Variants in SORCS1 observed in about 807,000 individuals in gnomAD.
The protein encoded by SORCS1 is sortilin related VPS10 domain containing receptor 1.
SORCS1 carries 60 observed loss-of-function variants against 146.1 expected under a neutral mutation model. That is an observed-to-expected ratio of 0.41 (90% confidence interval 0.33 to 0.51). The LOEUF is 0.51. SORCS1 is among the 20% of genes least tolerant of loss of function. The probability of loss-of-function intolerance (pLI) is 0.21; values close to 1 mark genes in which losing one functional copy is unlikely to be tolerated. For synonymous variants in SORCS1, 637 were observed against 584.0 expected, an observed-to-expected ratio of 1.09 and a Z score of -1.31; for missense variants, 1,352 against 1,487.6, an observed-to-expected ratio of 0.91 and a Z score of 1.50.
chr10:106,900,552 G>T (rs1363234686), intron 2 of SORCS1, among the ~76,000 whole-genome samples: 1 of 151,914 alleles, frequency 6.6e-6, no homozygotes, highest in Non-Finnish European at 1.5e-5. Context: ...GGATAACTCA[G>T]AGGTGTGCTC....
intron 1 of SORCS1, among the ~76,000 whole-genome samples, chr10:107,111,704 G>T (rs1245121575): frequency 6.6e-6 from 1 of 152,084 alleles, no homozygotes; most frequent in Non-Finnish European, 1.5e-5. Context: ...GGAGAAATAT[G>T]AGTATTCAGA....
chr10:107,094,141 CTCT>C (rs925049679), intron 1 of SORCS1, among the ~76,000 whole-genome samples: 1 of 152,110 alleles, frequency 6.6e-6, no homozygotes, highest in Admixed American at 6.5e-5. Flanking sequence ...TATATATTTT[CTCT>C]TTTTTAATCA....
intron 2 of SORCS1, among the ~76,000 whole-genome samples, chr10:106,913,475 C>T (rs1564803934): frequency 6.6e-6 from 1 of 152,220 alleles, no homozygotes; most frequent in Non-Finnish European, 1.5e-5. Context: ...CAAAAGCCTA[C>T]TCTACGGCTT....
At chr10:107,084,584 A>T (rs1313629491) in intron 1 of SORCS1, among the ~76,000 whole-genome samples, 1 of 152,144 alleles carries the variant, frequency 6.6e-6, no homozygotes, top group Non-Finnish European at 1.5e-5. Flanking sequence ...AAAATAGAAC[A>T]TGAAAAAATA....
intron 1 of SORCS1, among the ~76,000 whole-genome samples, chr10:107,053,168 C>G (rs966543085): frequency 2.0e-5 from 3 of 152,118 alleles, no homozygotes; most frequent in African/African-American, 7.2e-5. Flanking sequence ...AACCCTGTCC[C>G]AAGTCAAATT....
chr10:106,818,541 T>C (rs1364400253), intron 3 of SORCS1, among the ~76,000 whole-genome samples: 1 of 152,118 alleles, frequency 6.6e-6, no homozygotes, highest in African/African-American at 2.4e-5. Context: ...AATTTTTGTA[T>C]TTTTAATAGA....
intron 17 of SORCS1, among the ~76,000 whole-genome samples, chr10:106,664,370 C>T (rs371710834): frequency 9.8e-4 from 149 of 152,252 alleles, no homozygotes; most frequent in African/African-American, 3.3e-3. Flanking sequence ...GGGCCAGGCG[C>T]GGTGGCTCAT....
chr10:106,748,623 T>C (rs1857922267), intron 5 of SORCS1, among the ~76,000 whole-genome samples: 1 of 152,116 alleles, frequency 6.6e-6, no homozygotes, highest in African/African-American at 2.4e-5. Context: ...TTTTTTTTGC[T>C]GATACATAAA....
At chr10:107,014,112 T>C (rs1004093390) in intron 1 of SORCS1, among the ~76,000 whole-genome samples, 1 of 151,266 alleles carries the variant, frequency 6.6e-6, no homozygotes. Flanking sequence ...ATTAGCTGGG[T>C]GTGGTGGCGC....
rs376450261 is a variant in SORCS1 at position 106,932,732 on chromosome 10, C to T, written c.626+23781G>A. 7.2e-4 allele frequency among the ~76,000 whole-genome samples: 109 copies of T among 152,346 alleles called. 3 individuals are homozygous for T. In the South Asian group the frequency reaches 0.022, roughly 30 times the overall value. On this transcript the variant is annotated intron_variant, in intron 2 of 25. Coordinates refer to ENST00000263054, the MANE Select transcript of SORCS1 (RefSeq NM_052918.5). ...CCTTCTGTAGAATCAGAAGCACCTT[C>T]AAGGTGAGCACTCCCCTCGCAGCAA...
chr10:106,986,977 T>G (rs1956505527), intron 1 of SORCS1, among the ~76,000 whole-genome samples: 1 of 152,224 alleles, frequency 6.6e-6, no homozygotes, highest in East Asian at 1.9e-4. Context: ...GCTACTTTTT[T>G]CCTTGACAAT....
intron 4 of SORCS1, among the ~76,000 whole-genome samples, chr10:106,773,525 T>C (rs900549407): frequency 3.3e-5 from 5 of 152,232 alleles, no homozygotes; most frequent in Non-Finnish European, 7.3e-5. Flanking sequence ...TGATTCCTAC[T>C]TGTAGAGCTG....
chr10:106,890,855 T>G (rs1040288279), intron 2 of SORCS1, among the ~76,000 whole-genome samples: 3 of 152,174 alleles, frequency 2.0e-5, no homozygotes, highest in Admixed American at 2.0e-4. Flanking sequence ...AAGTAAAAGC[T>G]TGAGACCACA....
intron 3 of SORCS1, among the ~76,000 whole-genome samples, chr10:106,816,258 G>A (rs1165904130): frequency 1.3e-5 from 2 of 152,156 alleles, no homozygotes; most frequent in Non-Finnish European, 2.9e-5. Context: ...TCAGTCAGAA[G>A]TACCAATCTT....
intron 2 of SORCS1, among the ~76,000 whole-genome samples, chr10:106,935,651 T>C (rs10128404): frequency 0.52 from 78,611 of 152,030 alleles, 21,055 homozygotes; most frequent in Non-Finnish European, 0.59. Flanking sequence ...TGAAAATCAG[T>C]CTGTCTAGTA....
At chr10:106,849,949 A>T (rs57661766) in intron 2 of SORCS1, among the ~76,000 whole-genome samples, 3,494 of 152,182 alleles carry the variant, frequency 0.023, 124 homozygotes, top group African/African-American at 0.078. Flanking sequence ...CCGTTCTCAG[A>T]TCTCCAGCTG....
intron 23 of SORCS1, among the ~76,000 whole-genome samples, chr10:106,603,871 T>C (rs1352154303): frequency 6.6e-6 from 1 of 152,198 alleles, no homozygotes; most frequent in Non-Finnish European, 1.5e-5. Context: ...CCTTGTCTAG[T>C]CTTGGTCCAT....
intron 5 of SORCS1, among the ~76,000 whole-genome samples, chr10:106,754,071 G>A (rs571828202): frequency 3.9e-5 from 6 of 152,086 alleles, no homozygotes; most frequent in Non-Finnish European, 7.4e-5. Flanking sequence ...ACGTCTTTTG[G>A]TAAAAGCACC....
At chr10:106,593,059 G>A (rs1257851331) in intron 24 of SORCS1, among the ~76,000 whole-genome samples, 7 of 151,114 alleles carry the variant, frequency 4.6e-5, no homozygotes, top group Non-Finnish European at 4.4e-5. Context: ...AGCCCAGGGG[G>A]CAGAGGTTGC....
Sources: gnomAD v4.1 joint callset for allele counts (sites outside exome capture counted in the v4.1 genomes callset) on GRCh38, gnomAD v4.1.1 for gene constraint, MANE v1.5 for transcripts, NCBI Gene and HGNC (gene_info 2026-07-23, HGNC 2026-07-21) for gene names.